Variants in MECOM observed in about 807,000 individuals in gnomAD.
The protein encoded by MECOM is MDS1 and EVI1 complex locus.
A neutral mutation model predicts 116.3 loss-of-function variants in MECOM; 13 were observed. That is an observed-to-expected ratio of 0.11 (90% CI 0.07 to 0.18). The LOEUF (loss-of-function observed/expected upper bound fraction) is 0.18, where lower values mean the gene tolerates loss of function less well. Ranked by LOEUF, MECOM falls within the 10% of genes least tolerant of loss-of-function variation. The probability of loss-of-function intolerance (pLI) is 1.00; values close to 1 mark genes in which losing one functional copy is unlikely to be tolerated. For missense variants in MECOM, 1,299 were observed against 1,509.0 expected (o/e 0.86, Z 2.31); for synonymous variants, 528 against 535.2 (o/e 0.99, Z 0.19).
At chr3:169,349,360 G>A (rs1725915552) in intron 2 of MECOM, among the ~76,000 whole-genome samples, 1 of 151,744 alleles carries the variant, frequency 6.6e-6, no homozygotes, top group South Asian at 2.1e-4. Context: ...TCGTCTAGTC[G>A]GTGACAGCAG....
intron 3 of MECOM, among the ~76,000 whole-genome samples, chr3:169,133,126 CACACACAT>C (rs942971857): frequency 1.3e-5 from 2 of 151,882 alleles, no homozygotes; most frequent in African/African-American, 4.8e-5. Flanking sequence ...CACACACACA[CACACACAT>C]ACACTACCAA....
In MECOM at chr3:169,377,600, T is replaced by C. The variant is rs1436142551; in HGVS notation, c.375+3587A>G. ...TCATAATCACTGGTCATTAGAGAAA[T>C]GCAAATCGAAACCACAATGAGATAC... On this transcript the variant is annotated intron_variant, in intron 2 of 16. Transcript: ENST00000651503. Among the ~76,000 whole-genome samples, 3 of 152,106 alleles carry C rather than the reference T, an allele frequency of 2.0e-5. No homozygotes were observed. In the East Asian group the frequency reaches 5.8e-4, roughly 29 times the overall value.
intron 7 of MECOM, among the ~76,000 whole-genome samples, chr3:169,117,559 C>T (rs1037466444): frequency 6.6e-6 from 1 of 152,186 alleles, no homozygotes; most frequent in Non-Finnish European, 1.5e-5. Flanking sequence ...GGAAACATGT[C>T]CACTTGTTGT....
At chr3:169,146,448 G>T in intron 2 of MECOM, 1 of 1,388,258 alleles carries the variant, frequency 7.2e-7, no homozygotes, top group East Asian at 3.5e-5. Flanking sequence ...GCAAGGAAAA[G>T]AGGCCGACAA....
chr3:169,130,759 T>C (rs1734434354), intron 4 of MECOM, among the ~76,000 whole-genome samples: 1 of 152,078 alleles, frequency 6.6e-6, no homozygotes, highest in South Asian at 2.1e-4. Flanking sequence ...AATCACAGTA[T>C]ACTTGGACAC....
chr3:169,584,069 T>C (rs1765444858), intron 1 of MECOM, among the ~76,000 whole-genome samples: 2 of 152,222 alleles, frequency 1.3e-5, no homozygotes, highest in Non-Finnish European at 2.9e-5. Flanking sequence ...GAATTCCTGC[T>C]GAGAGAATAT....
At chr3:169,464,887 T>C (rs1020054296) in intron 1 of MECOM, among the ~76,000 whole-genome samples, 1 of 152,070 alleles carries the variant, frequency 6.6e-6, no homozygotes, top group Non-Finnish European at 1.5e-5. Flanking sequence ...AATAGTAAAT[T>C]TTTAGTGTTT....
intron 1 of MECOM, among the ~76,000 whole-genome samples, chr3:169,519,252 G>A (rs1367072931): frequency 6.6e-6 from 1 of 152,184 alleles, no homozygotes; most frequent in Non-Finnish European, 1.5e-5. Context: ...ATTGGACTTT[G>A]AGTAAATCTT....
rs79862088 is a variant in MECOM at position 169,250,702 on chromosome 3, T to C, written c.376-106870A>G. Among the ~76,000 whole-genome samples, 11 of 152,294 alleles carry C rather than the reference T, an allele frequency of 7.2e-5. No individual in the cohort carries two copies. The East Asian group carries it at 2.1e-3, about 29-fold the overall frequency. ...TTGTTAACCATGATTTTTGATGAAA[T>C]TCAATTTGAGTATGCATGAACTATG... On this transcript the variant is annotated intron_variant, in intron 2 of 16. Coordinates refer to ENST00000651503, the MANE Select transcript of MECOM (RefSeq NM_004991.4).
intron 2 of MECOM, among the ~76,000 whole-genome samples, chr3:169,299,790 C>A (rs1481325030): frequency 1.3e-5 from 2 of 152,200 alleles, no homozygotes; most frequent in Non-Finnish European, 2.9e-5. Context: ...ACCTCAAGTT[C>A]TGATGCTATT....
chr3:169,244,648 G>C (rs1577451674), intron 2 of MECOM, among the ~76,000 whole-genome samples: 1 of 152,148 alleles, frequency 6.6e-6, no homozygotes, highest in African/African-American at 2.4e-5. Context: ...TTTCTGACAT[G>C]CCACCGCATA....
chr3:169,375,451 GA>G (rs1730858208), intron 2 of MECOM, among the ~76,000 whole-genome samples: 1 of 151,644 alleles, frequency 6.6e-6, no homozygotes, highest in Non-Finnish European at 1.5e-5. Flanking sequence ...ACCAAGAAGA[GA>G]AGAGAGAAGA....
chr3:169,262,206 G>A (rs565074158), intron 2 of MECOM, among the ~76,000 whole-genome samples: 97 of 152,244 alleles, frequency 6.4e-4, no homozygotes, highest in African/African-American at 2.3e-3. Context: ...CTAACCAATA[G>A]CATTTTAATA....
At chr3:169,373,464 G>C (rs995314071) in intron 2 of MECOM, among the ~76,000 whole-genome samples, 1 of 151,648 alleles carries the variant, frequency 6.6e-6, no homozygotes, top group African/African-American at 2.4e-5. Flanking sequence ...TGTTATCTTT[G>C]ACCTTTCTCT....
chr3:169,288,201 G>A (rs866472616), intron 2 of MECOM, among the ~76,000 whole-genome samples: 3 of 150,428 alleles, frequency 2.0e-5, no homozygotes, highest in Admixed American at 1.3e-4. Flanking sequence ...GGGGTAGGGG[G>A]AGAAAGAGGA....
intron 1 of MECOM, among the ~76,000 whole-genome samples, chr3:169,393,769 A>T (rs1023250518): frequency 4.6e-5 from 7 of 152,160 alleles, no homozygotes; most frequent in African/African-American, 1.2e-4. Context: ...TAATTAAGTT[A>T]CATAAAATCT....
intron 1 of MECOM, among the ~76,000 whole-genome samples, chr3:169,451,280 C>G (rs974049344): frequency 6.7e-6 from 1 of 149,426 alleles, no homozygotes; most frequent in Non-Finnish European, 1.5e-5. Flanking sequence ...ATGTGATATT[C>G]ACAAGTGCGC....
chr3:169,656,928 A>G (rs1433164649), intron 1 of MECOM, among the ~76,000 whole-genome samples: 1 of 152,262 alleles, frequency 6.6e-6, no homozygotes, highest in African/African-American at 2.4e-5. Flanking sequence ...GGATGTTTAA[A>G]TGCTGAATAA....
chr3:169,603,129 A>G (rs1393174826), intron 1 of MECOM, among the ~76,000 whole-genome samples: 1 of 152,246 alleles, frequency 6.6e-6, no homozygotes, highest in Non-Finnish European at 1.5e-5. Context: ...TGGGCCACAT[A>G]TAAAACAATG....
Sources: allele counts gnomAD v4.1 joint callset (sites outside exome capture counted in the v4.1 genomes callset), GRCh38; gene constraint gnomAD v4.1.1; transcripts MANE v1.5; gene names NCBI Gene and HGNC (gene_info 2026-07-23, HGNC 2026-07-21).